The following CAST variants were observed in gnomAD, a reference collection of about 807,000 sequenced individuals.
CAST encodes the protein MIR583 host.
A neutral mutation model predicts 119.6 loss-of-function variants in CAST; 76 were observed. That is an observed-to-expected ratio of 0.64 (90% CI 0.53 to 0.77). CAST has a LOEUF of 0.77. CAST is among the 30% of genes least tolerant of loss of function. The pLI, the probability that CAST is intolerant of heterozygous loss-of-function variation, is 0.00. For missense variants in CAST, 953 were observed against 946.5 expected (o/e 1.01, Z -0.09); for synonymous variants, 319 against 331.6 (o/e 0.96, Z 0.41).
the CAST span, among the ~76,000 whole-genome samples, chr5:96,352,972 A>G: frequency 1.3e-5 from 2 of 152,156 alleles, no homozygotes; most frequent in Admixed American, 6.6e-5. Context: ...CTGTGAGTCA[A>G]TTAAACCTCT....
At chr5:96,367,172 C>T in the CAST span, among the ~76,000 whole-genome samples, 11 of 152,298 alleles carry the variant, frequency 7.2e-5, no homozygotes, top group East Asian at 9.6e-4. Context: ...GCTGCCTGAT[C>T]GTTCCTCTGG....
At chr5:96,052,679 A>T in the CAST span, among the ~76,000 whole-genome samples, 1 of 152,224 alleles carries the variant, frequency 6.6e-6, no homozygotes, top group Non-Finnish European at 1.5e-5. Context: ...TGTGGAAATC[A>T]TTAGTGAGTA....
chr5:96,732,501 A>G (rs1760762172), intron 9 of CAST, among the ~76,000 whole-genome samples: 1 of 132,210 alleles, frequency 7.6e-6, no homozygotes, highest in Admixed American at 8.1e-5. Context: ...GAAGCTCTTT[A>G]GTTTAATTAG....
At chr5:96,392,802 C>A in the CAST span, 1 of 637,310 alleles carries the variant, frequency 1.6e-6, no homozygotes, top group Admixed American at 2.6e-5. Context: ...TTTGAAATAC[C>A]TATGATCAAT....
chr5:96,399,506 C>A, the CAST span, among the ~76,000 whole-genome samples: 1 of 152,086 alleles, frequency 6.6e-6, no homozygotes, highest in Non-Finnish European at 1.5e-5. Flanking sequence ...AAGAATCCCT[C>A]ATGGAAGAAA....
At chr5:96,005,781 TAAAA>T in the CAST span, among the ~76,000 whole-genome samples, 1 of 152,066 alleles carries the variant, frequency 6.6e-6, no homozygotes, top group African/African-American at 2.4e-5. Context: ...AAATCTGTTC[TAAAA>T]ATAAAATATA....
At chr5:96,227,363 T>C in the CAST span, among the ~76,000 whole-genome samples, 1 of 152,234 alleles carries the variant, frequency 6.6e-6, no homozygotes, top group Non-Finnish European at 1.5e-5. Flanking sequence ...TTTTCCAGTT[T>C]AAATTTAGTA....
At chr5:96,209,232 C>A in the CAST span, among the ~76,000 whole-genome samples, 91 of 151,980 alleles carry the variant, frequency 6.0e-4, no homozygotes, top group African/African-American at 2.1e-3. Flanking sequence ...AGATGGGTCT[C>A]TTGAAGACAG....
intron 16 of CAST, chr5:96,743,844 G>A (rs1023185697): frequency 1.8e-5 from 15 of 849,508 alleles, no homozygotes; most frequent in Middle Eastern, 2.5e-4. Context: ...TGAGGAAAGC[G>A]GGGTGTTGGC....
At chr5:96,522,964 G>T (rs4869139), upstream of CAST, among the ~76,000 whole-genome samples, 3 of 152,120 alleles carry the variant, frequency 2.0e-5, no homozygotes, top group Admixed American at 1.3e-4. Context: ...ATATTTCAAA[G>T]TAATAAGTTA....
At chr5:96,496,772 G>A in the CAST span, among the ~76,000 whole-genome samples, 9 of 152,000 alleles carry the variant, frequency 5.9e-5, no homozygotes, top group Non-Finnish European at 1.2e-4. Flanking sequence ...GAAAATATTC[G>A]TCTTTAGAAT....
At chr5:96,212,837 G>C in the CAST span, among the ~76,000 whole-genome samples, 13 of 152,126 alleles carry the variant, frequency 8.5e-5, no homozygotes, top group African/African-American at 2.9e-4. Flanking sequence ...TGTAGGGCCA[G>C]GCTCAGACAA....
At chr5:96,023,431 C>T in the CAST span, among the ~76,000 whole-genome samples, 1 of 152,144 alleles carries the variant, frequency 6.6e-6, no homozygotes, top group African/African-American at 2.4e-5. Context: ...TTGACCTCTT[C>T]TTTCACTTTG....
chr5:96,654,027 C>CTTTTTTTTTTT (rs71617134), intron 1 of CAST, among the ~76,000 whole-genome samples: 1 of 126,960 alleles, frequency 7.9e-6, no homozygotes, highest in African/African-American at 3.0e-5. Flanking sequence ...CTTTTCTTTT[C>CTTTTTTTTTTT]TTTTTTTTTT....
chr5:96,110,493 G>A, the CAST span, among the ~76,000 whole-genome samples: 1 of 152,084 alleles, frequency 6.6e-6, no homozygotes, highest in Non-Finnish European at 1.5e-5. Flanking sequence ...TTAGCTGGAG[G>A]GGTTGTCAAG....
intron 1 of CAST, among the ~76,000 whole-genome samples, chr5:96,603,817 T>C (rs750963995): frequency 1.0e-4 from 14 of 135,886 alleles, no homozygotes; most frequent in Non-Finnish European, 1.8e-4. Context: ...CAGACTGGAG[T>C]GCAGTGGCAT....
chr5:96,333,973 T>C, the CAST span, among the ~76,000 whole-genome samples: 2 of 152,296 alleles, frequency 1.3e-5, no homozygotes, highest in East Asian at 3.9e-4. Context: ...AGACTCTATA[T>C]TTTAAAAATA....
chr5:96,715,305 T>G lies in CAST; in HGVS notation c.211-7334T>G, dbSNP rs190740404. Among the ~76,000 whole-genome samples, 131 of 152,314 alleles carry G rather than the reference T, an allele frequency of 8.6e-4. 1 individual carries two copies. Among genetic ancestry groups the G allele is most frequent in the African/African-American group, 2.8e-3 (118 of 41,574 alleles). ...AATATCTCTGGTACTTTCCTACCCC[T>G]AAGTCTTGTGCAAGCTGTTTTGCTC... On this transcript the variant is annotated intron_variant, in intron 3 of 31. Coordinates refer to ENST00000675179, the MANE Select transcript of CAST (RefSeq NM_001750.7).
chr5:96,308,846 C>CA, the CAST span: 1 of 152,494 alleles, frequency 6.6e-6, no homozygotes, highest in African/African-American at 2.4e-5. Flanking sequence ...CCCAGAGGGG[C>CA]ACTCACTAGA....
Sources: gnomAD v4.1 joint callset for allele counts (sites outside exome capture counted in the v4.1 genomes callset) on GRCh38, gnomAD v4.1.1 for gene constraint, MANE v1.5 for transcripts, NCBI Gene and HGNC (gene_info 2026-07-23, HGNC 2026-07-21) for gene names.